The following PARD3B variants were observed in gnomAD, a reference collection of about 807,000 sequenced individuals.
PARD3B encodes par-3 family cell polarity regulator beta, also known as partitioning defective 3 homolog B.
A neutral mutation model predicts 130.2 loss-of-function variants in PARD3B; 103 were observed. That is an observed-to-expected ratio of 0.79 (90% CI 0.67 to 0.93). PARD3B has a LOEUF of 0.93. Ranked by LOEUF, PARD3B falls within the 40% of genes least tolerant of loss-of-function variation. PARD3B has a pLI of 0.00. For synonymous variants in PARD3B, 583 were observed against 553.2 expected (o/e 1.05, Z -0.76); for missense variants, 1,609 against 1,499.2 (o/e 1.07, Z -1.21).
At chr2:205,329,750 G>A (rs1315592437) in intron 18 of PARD3B, among the ~76,000 whole-genome samples, 3 of 152,150 alleles carry the variant, frequency 2.0e-5, no homozygotes, top group African/African-American at 7.2e-5. Flanking sequence ...TAGCATTGTG[G>A]GAGGCAGAGG....
At chr2:205,578,571 AAT>A (rs1490541391) in intron 22 of PARD3B, among the ~76,000 whole-genome samples, 14 of 152,364 alleles carry the variant, frequency 9.2e-5, no homozygotes, top group South Asian at 6.2e-4. Flanking sequence ...AAGATAAAGT[AAT>A]ATAAGCCAGA....
chr2:205,101,416 C>A (rs948681213), intron 4 of PARD3B, among the ~76,000 whole-genome samples: 4 of 152,056 alleles, frequency 2.6e-5, no homozygotes, highest in African/African-American at 9.7e-5. Flanking sequence ...GATATTAAAA[C>A]CCTCATGTAT....
chr2:205,297,048 T>C (rs914557910), intron 16 of PARD3B, among the ~76,000 whole-genome samples: 2 of 152,094 alleles, frequency 1.3e-5, no homozygotes, highest in Admixed American at 6.6e-5. Flanking sequence ...GAATCTTGTG[T>C]ATGTTGAGCT....
intron 2 of PARD3B, among the ~76,000 whole-genome samples, chr2:204,929,705 A>G (rs1057226394): frequency 1.3e-5 from 2 of 151,928 alleles, no homozygotes; most frequent in African/African-American, 2.4e-5. Flanking sequence ...TCTCTGAGAC[A>G]TGAGTGTTTG....
At chr2:204,700,364 T>C (rs1324361138) in intron 2 of PARD3B, among the ~76,000 whole-genome samples, 1 of 152,108 alleles carries the variant, frequency 6.6e-6, no homozygotes, top group Non-Finnish European at 1.5e-5. Context: ...TATTGGAAAA[T>C]TTAATTTTGT....
intron 20 of PARD3B, among the ~76,000 whole-genome samples, chr2:205,455,779 G>A (rs566072404): frequency 9.2e-5 from 14 of 151,934 alleles, no homozygotes; most frequent in South Asian, 6.2e-4. Context: ...TTACATAATC[G>A]TAGTACAATA....
intron 1 of PARD3B, among the ~76,000 whole-genome samples, chr2:204,666,632 A>C (rs1169970341): frequency 1.3e-5 from 2 of 152,108 alleles, no homozygotes; most frequent in Non-Finnish European, 2.9e-5. Context: ...TTGTCGATGG[A>C]TATCATAAGG....
At chr2:205,517,243 GC>G (rs1411664912) in intron 21 of PARD3B, among the ~76,000 whole-genome samples, 1 of 152,034 alleles carries the variant, frequency 6.6e-6, no homozygotes, top group Non-Finnish European at 1.5e-5. Context: ...TTGTGTCTCT[GC>G]CTAGTTTTAG....
intron 1 of PARD3B, among the ~76,000 whole-genome samples, chr2:204,554,115 T>C (rs1263036810): frequency 1.3e-5 from 2 of 152,168 alleles, no homozygotes; most frequent in African/African-American, 4.8e-5. Flanking sequence ...ACTTTTTTCC[T>C]ATCTATTGTC....
At chr2:205,050,590 TAAAC>T (rs1262091514) in intron 4 of PARD3B, among the ~76,000 whole-genome samples, 1 of 152,084 alleles carries the variant, frequency 6.6e-6, no homozygotes, top group Non-Finnish European at 1.5e-5. Flanking sequence ...GACTGAAGCA[TAAAC>T]AAAATAACAT....
intron 2 of PARD3B, among the ~76,000 whole-genome samples, chr2:204,894,840 A>G (rs1260338974): frequency 1.3e-5 from 2 of 152,094 alleles, no homozygotes; most frequent in African/African-American, 4.8e-5. Flanking sequence ...AGGTAATATA[A>G]ATAGTGCCTT....
chr2:205,036,626 G>A (rs981689283), intron 3 of PARD3B, among the ~76,000 whole-genome samples: 9 of 144,474 alleles, frequency 6.2e-5, no homozygotes, highest in East Asian at 6.1e-4. Context: ...TATACACAGC[G>A]GACTGTATGT....
intron 15 of PARD3B, among the ~76,000 whole-genome samples, chr2:205,202,735 T>C (rs1374276274): frequency 1.3e-5 from 2 of 152,164 alleles, no homozygotes; most frequent in African/African-American, 4.8e-5. Context: ...ACCTAATGCC[T>C]AGAACATCCC....
intron 10 of PARD3B, among the ~76,000 whole-genome samples, chr2:205,135,167 A>G (rs1231882049): frequency 6.6e-6 from 1 of 152,184 alleles, no homozygotes; most frequent in Non-Finnish European, 1.5e-5. Flanking sequence ...ACCACCTACT[A>G]TATCTTATCA....
At chr2:204,797,205 A>G (rs924182930) in intron 2 of PARD3B, among the ~76,000 whole-genome samples, 2 of 151,544 alleles carry the variant, frequency 1.3e-5, no homozygotes. Flanking sequence ...AGTTTATGCT[A>G]TAGAATTGTA....
At chr2:204,632,367 A>C (rs1411713189) in intron 1 of PARD3B, among the ~76,000 whole-genome samples, 1 of 152,166 alleles carries the variant, frequency 6.6e-6, no homozygotes, top group Non-Finnish European at 1.5e-5. Context: ...AGACTAATAC[A>C]GGGGCACTCT....
At chr2:205,479,200 C>T (rs181168151) in intron 20 of PARD3B, among the ~76,000 whole-genome samples, 3 of 152,240 alleles carry the variant, frequency 2.0e-5, no homozygotes, top group East Asian at 1.9e-4. Flanking sequence ...TGGTGTTGAG[C>T]GGTTTTGGCC....
In PARD3B at chr2:205,301,788, C is replaced by T. The variant is rs2042009667; in HGVS notation, c.2630+87C>T. 5 of 1,591,770 alleles carry T rather than the reference C, an allele frequency of 3.1e-6. No individual in the cohort carries two copies. Among genetic ancestry groups the T allele is most frequent in the African/African-American group, 1.3e-5 (1 of 74,464 alleles). The stretch of plus-strand genomic sequence containing the variant: ...CTTTGTCTGTACTCAGAAAAAAGCG[C>T]ACGCTTTTCCTCGTCTTCAGCCAAA... On this transcript the variant is annotated intron_variant, in intron 18 of 22. Coordinates refer to ENST00000406610, the MANE Select transcript of PARD3B (RefSeq NM_001302769.2). This position sits in a 1 kb window ranked among gnomAD's most constrained non-coding sequence, Gnocchi z 5.2.
intron 2 of PARD3B, among the ~76,000 whole-genome samples, chr2:204,846,231 T>C (rs192224974): frequency 1.8e-4 from 27 of 152,172 alleles, no homozygotes; most frequent in Admixed American, 8.5e-4. Context: ...AGTGATAAGA[T>C]AGATTCAGTG....
Sources: gnomAD v4.1 joint callset for allele counts (sites outside exome capture counted in the v4.1 genomes callset) on GRCh38, gnomAD v4.1.1 for gene constraint, Gnocchi (gnomAD v3.1) non-coding constraint, MANE v1.5 for transcripts, NCBI Gene and HGNC (gene_info 2026-07-23, HGNC 2026-07-21) for gene names.